PROSER3: variants seen among roughly 807,000 people sequenced by gnomAD.
The protein encoded by PROSER3 is proline and serine-rich protein 3.
A neutral mutation model predicts 50.2 loss-of-function variants in PROSER3; 33 were observed. That is an observed-to-expected ratio of 0.66 (90% CI 0.50 to 0.88). PROSER3 has a LOEUF of 0.88. Among genes scored for constraint, PROSER3 ranks in the 40% least tolerant of loss-of-function variants. PROSER3 has a pLI of 0.00. For missense variants in PROSER3, 623 were observed against 612.7 expected, an observed-to-expected ratio of 1.02 and a Z score of -0.18; for synonymous variants, 266 against 259.3, an observed-to-expected ratio of 1.03 and a Z score of -0.25.
exon 9 of PROSER3, chr19:35,767,821 C>G (rs1176102875): frequency 1.9e-6 from 3 of 1,613,010 alleles, no homozygotes; most frequent in African/African-American, 2.7e-5. Flanking sequence ...CTCTGAAAGC[C>G]AAGGCCTTGC....
At chr19:35,770,667 C>T (rs979014128), downstream of PROSER3, 1 of 151,964 alleles carries the variant, frequency 6.6e-6, no homozygotes, top group African/African-American at 2.4e-5. Flanking sequence ...TACTTGAGGT[C>T]AGGGGTTCAA....
chr19:35,762,395 C>T (rs753931790), intron 5 of PROSER3, 39 bp downstream of exon 5: 13 of 1,495,806 alleles, frequency 8.7e-6, no homozygotes, highest in Non-Finnish European at 1.2e-5. Context: ...GGTGCCTGAA[C>T]TGACAACACC....
rs1971087298 is a variant in PROSER3, at chr19:35,764,937, G to A, written c.626+1G>A. The A allele has an allele frequency of 6.2e-7, 1 of 1,613,532 alleles. No individual in the cohort carries two copies. Among genetic ancestry groups the A allele is most frequent in the Non-Finnish European group, 8.5e-7 (1 of 1,179,872 alleles). On this transcript the variant is annotated splice_donor_variant, in intron 6 of 10. Coordinates refer to ENST00000396908, the Ensembl canonical transcript of PROSER3. LOFTEE classifies it high-confidence loss of function. The stretch of plus-strand genomic sequence containing the variant: ...GAGCTGCCAGGCTGCTCAAACGCAG[G>A]TGCCCGCACCCCTGCCCCCATCACC...
At chr19:35,767,124 A>C in intron 8 of PROSER3, 1 of 881,716 alleles carries the variant, frequency 1.1e-6, no homozygotes, top group Non-Finnish European at 1.7e-6. Flanking sequence ...CAGCCTAACC[A>C]TGTCCCACTG....
At chr19:35,767,502 C>T (rs1971193037) in intron 8 of PROSER3, 4 of 435,176 alleles carry the variant, frequency 9.2e-6, no homozygotes, top group Non-Finnish European at 1.6e-5. Context: ...CAGGGCCTGC[C>T]CATCCCTGAC....
In PROSER3 at chr19:35,766,756, C is replaced by G. The variant is rs976287967; in HGVS notation, c.770-12C>G. The G allele has an allele frequency of 1.3e-6, 2 of 1,539,644 alleles. No homozygotes were observed. Among genetic ancestry groups the G allele is most frequent in the Non-Finnish European group, 1.8e-6 (2 of 1,138,146 alleles). ...CCCTGCCTCACCCTCTCCTCTCTAC[C>G]TCCCCCTACAGCATCCCCGGCACCA... On this transcript the variant is annotated splice_polypyrimidine_tract_variant and intron_variant, in intron 7 of 10. Transcript: ENST00000396908.
At chr19:35,762,891 G>A (rs1468509610) in intron 5 of PROSER3, 1 of 151,926 alleles carries the variant, frequency 6.6e-6, no homozygotes, top group Non-Finnish European at 1.5e-5. Context: ...AATTAGCCGG[G>A]CGTGGTGGTA....
At chr19:35,760,837 G>A (rs1163765233) in intron 3 of PROSER3, among the ~76,000 whole-genome samples, 1 of 152,190 alleles carries the variant, frequency 6.6e-6, no homozygotes, top group African/African-American at 2.4e-5. Context: ...TGAGCTTTCA[G>A]TGAGTTACTA....
At chr19:35,761,833 C>T (rs1970959936) in intron 3 of PROSER3, among the ~76,000 whole-genome samples, 186 bp from the exon 4 acceptor site, 1 of 152,136 alleles carries the variant, frequency 6.6e-6, no homozygotes, top group Non-Finnish European at 1.5e-5. Context: ...TGCCCTCCAG[C>T]CTGGGTGACA....
rs768881189 is a variant in PROSER3 at position 35,762,214 on chromosome 19, ACTCCTC to A, written c.440-36_440-31del. 4.4e-6 allele frequency: 7 copies of A among 1,596,250 alleles called. No individual in the cohort carries two copies. The South Asian group carries it at 6.6e-5, about 15-fold the overall frequency. ...TTGCTGATCAATGCCCCCAGCAGCC[ACTCCTC>A]CTGGCCCTCATACCTCAACTGGGGC... is the stretch of plus-strand genomic sequence containing the variant. On this transcript the variant is annotated intron_variant, in intron 4 of 10. Transcript: ENST00000396908.
chr19:35,766,460 C>T (rs231220), intron 7 of PROSER3, among the ~76,000 whole-genome samples: 1,583 of 152,158 alleles, frequency 0.01, 31 homozygotes, highest in African/African-American at 0.035. Context: ...GCAGGAGGAT[C>T]GCCTGAGCCC....
At position 35,759,580 on chromosome 19, in the gene PROSER3, AG is replaced by A. The variant is rs1970885995; in HGVS notation, c.108+111del. On this transcript the variant is annotated intron_variant, in intron 2 of 10. Coordinates refer to ENST00000396908, the Ensembl canonical transcript of PROSER3. ...GATAGGGATGAGAGATTTAAGAGAC[AG>A]CCCCTTGTCCCCTCCCCACGGCCCT... is the stretch of plus-strand genomic sequence containing the variant. 9.6e-6 allele frequency: 11 copies of A among 1,145,550 alleles called. No homozygotes were observed. In the South Asian group the frequency reaches 1.6e-4, roughly 16 times the overall value. 71.0% of individuals were successfully genotyped at this position (1,145,550 alleles called of 1,614,324 possible). A position where few individuals can be genotyped will look rare whatever the true frequency, so the allele number is the denominator to read the frequency against.
At chr19:35,767,938 C>A (rs746483668) in exon 9 of PROSER3, 51 of 1,611,602 alleles carry the variant, frequency 3.2e-5, no homozygotes, top group Non-Finnish European at 3.7e-5. Flanking sequence ...CAACCACAGT[C>A]AAGGCCTCGC....
chr19:35,760,114 T>C lies in PROSER3; in HGVS notation c.311+123T>C, dbSNP rs1347599740. On this transcript the variant is annotated intron_variant, in intron 3 of 10. Coordinates refer to ENST00000396908, the Ensembl canonical transcript of PROSER3. ...CACTCTTTTAGGACCAGGCAGTTTATGTGTGTTAAGAACTCTGGTGCTAGA... is the reference window on the plus strand; with the variant it reads ...CACTCTTTTAGGACCAGGCAGTTTACGTGTGTTAAGAACTCTGGTGCTAGA... 5 of 1,079,712 alleles carry C rather than the reference T, an allele frequency of 4.6e-6. No homozygotes were observed. The East Asian group carries it at 1.3e-4, about 29-fold the overall frequency. The allele number at this position is 1,079,712 out of a possible 1,614,324, so 66.9% of individuals were successfully genotyped here.
At chr19:35,761,659 C>T (rs1411880786) in intron 3 of PROSER3, among the ~76,000 whole-genome samples, 1 of 151,932 alleles carries the variant, frequency 6.6e-6, no homozygotes. Flanking sequence ...AAAACTCCGT[C>T]TCAAAAAATA....
chr19:35,766,973 G>C lies in PROSER3; in HGVS notation c.957+18G>C. ...GCACGTTGGTGAGCCGAGGGAGGGA[G>C]GAGCCTGGGGGGAGCTGGAGGAGGG... On this transcript the variant is annotated intron_variant, in intron 8 of 10. Transcript: ENST00000396908. 6.5e-7 allele frequency: 1 copy of C among 1,537,860 alleles called. No homozygotes were observed. The highest frequency in any genetic ancestry group is 2.0e-5 in the Admixed American group (1 of 50,612).
intron 3 of PROSER3, 139 bp from the exon 4 acceptor site, chr19:35,761,880 T>C (rs1011385426): frequency 4.6e-6 from 5 of 1,075,460 alleles, no homozygotes; most frequent in African/African-American, 3.2e-5. Context: ...TATGTGACTA[T>C]ATAAGAAAGA....
chr19:35,764,315 G>C (rs1380549125), intron 5 of PROSER3, among the ~76,000 whole-genome samples: 2 of 152,168 alleles, frequency 1.3e-5, no homozygotes, highest in Non-Finnish European at 2.9e-5. Context: ...AAGCAGCTCT[G>C]ATCTGGGAGG....
rs1180115100 is a variant in PROSER3, at chr19:35,766,625, C to A, written c.770-143C>A. 8.2e-6 allele frequency: 5 copies of A among 606,320 alleles called. No individual in the cohort carries two copies. In the East Asian group the frequency reaches 1.2e-4, roughly 14 times the overall value. 37.6% of individuals were successfully genotyped at this position (606,320 alleles called of 1,614,324 possible). ...ACTTTGACCCCTTCCCCTCTTCCCA[C>A]CCCAGAGAGGAGCTGGGACAGTATC... is the stretch of plus-strand genomic sequence containing the variant. On this transcript the variant is annotated intron_variant, in intron 7 of 10. Transcript: ENST00000396908.
Sources: gnomAD v4.1 joint callset for allele counts (sites outside exome capture counted in the v4.1 genomes callset) on GRCh38, gnomAD v4.1.1 for gene constraint, MANE v1.5 for transcripts, NCBI Gene and HGNC (gene_info 2026-07-23, HGNC 2026-07-21) for gene names.